Variants in AGBL2 observed in about 807,000 individuals in gnomAD.
AGBL2 encodes the protein cytosolic carboxypeptidase 2.
A neutral mutation model predicts 103.0 loss-of-function variants in AGBL2; 87 were observed. The ratio of observed to expected loss-of-function variants is 0.84; its 90% confidence interval spans 0.71 to 1.01. The LOEUF is 1.01. AGBL2 is among the 50% of genes least tolerant of loss of function. AGBL2 has a pLI of 0.00. For synonymous variants in AGBL2, 335 were observed against 356.7 expected (o/e 0.94, Z 0.69); for missense variants, 904 against 1,023.5 (o/e 0.88, Z 1.59).
At chr11:47,669,568 A>G (rs980167646) in intron 14 of AGBL2, among the ~76,000 whole-genome samples, 4 of 151,980 alleles carry the variant, frequency 2.6e-5, no homozygotes, top group Admixed American at 2.6e-4. Flanking sequence ...AGTCCCAGCT[A>G]CTCAGGAGGC....
rs752592989 is a variant in AGBL2 at position 47,667,622 on chromosome 11, C to A, written c.2289G>T (p.Gln763His). ...SLQTRKQRNEQYQKKNLMQKL... is the reference protein window; with the variant it reads ...SLQTRKQRNEHYQKKNLMQKL... ...TCTGCATCAAATTTTTTTTCTGATA[C>A]TGCTCATTTCGCTGTTTCCTAGTCT... Residue 763 changes from glutamine (Q) to histidine (H), a missense_variant, in exon 16 of 19, where the codon CAG becomes CAT. Transcript: ENST00000525123. The A allele has an allele frequency of 1.2e-5, 19 of 1,613,730 alleles. No individual in the cohort carries two copies. Among genetic ancestry groups the A allele is most frequent in the Non-Finnish European group, 1.4e-5 (17 of 1,179,858 alleles).
rs954503165 is a variant in AGBL2, at chr11:47,708,006, C to A, written c.233-2089G>T. On this transcript the variant is annotated intron_variant, in intron 4 of 18. Transcript: ENST00000525123. Reference sequence around the variant, plus strand: ...TGGGCAATTCTGGGGCTCAAATGATCCTCCTGCCTCAGGCTCCCAAGTGGC... The same window carrying A: ...TGGGCAATTCTGGGGCTCAAATGATACTCCTGCCTCAGGCTCCCAAGTGGC... Among the ~76,000 whole-genome samples, 37 of 151,894 alleles carry A rather than the reference C, an allele frequency of 2.4e-4. 1 individual carries two copies. Among genetic ancestry groups the A allele is most frequent in the Admixed American group, 2.1e-3 (32 of 15,226 alleles).
In AGBL2 at chr11:47,699,534, T is replaced by A. The variant is rs1401604380; in HGVS notation, c.606A>T (p.Pro202=). ...IHHIEWAPPQ[P]EYFYQPKGNE... ...TTCCTTTAGGCTGATAGAAATATTC[T>A]GGTTGAGGTGGAGCCCACTCTGAAA... The change falls in exon 8 of 19, where the codon CCA becomes CCT. Residue 202 remains proline, a synonymous_variant. Coordinates refer to ENST00000525123, the MANE Select transcript of AGBL2 (RefSeq NM_024783.4). The A allele has an allele frequency of 1.2e-6, 2 of 1,605,812 alleles. No individual in the cohort carries two copies. Among genetic ancestry groups the A allele is most frequent in the Admixed American group, 3.4e-5 (2 of 58,620 alleles).
intron 14 of AGBL2, among the ~76,000 whole-genome samples, chr11:47,670,390 T>C (rs2097353840): frequency 6.6e-6 from 1 of 151,772 alleles, no homozygotes; most frequent in Non-Finnish European, 1.5e-5. Flanking sequence ...GAGGCTGAGA[T>C]AGGAGGACCA....
chr11:47,680,069 AT>A lies in AGBL2; in HGVS notation c.1919del (p.Asn640IlefsTer12). 1 of 1,561,110 alleles carries A rather than the reference AT, an allele frequency of 6.4e-7. No homozygotes were observed. Among genetic ancestry groups the A allele is most frequent in the Non-Finnish European group, 8.7e-7 (1 of 1,142,948 alleles). On this transcript the variant is annotated frameshift_variant, in exon 13 of 19. Transcript: ENST00000525123. LOFTEE classifies it high-confidence loss of function. ...ESTFGGSTLG[N>X]KRDTHFTIED... ...CGATGGTAAAGTGGGTGTCTCTTTTATTACCTGGAAAAAAAAAAAACCCCGC... is the reference window on the plus strand; with the variant it reads ...CGATGGTAAAGTGGGTGTCTCTTTTATACCTGGAAAAAAAAAAAACCCCGC...
chr11:47,672,074 C>T (rs1221979760), intron 14 of AGBL2, among the ~76,000 whole-genome samples: 2 of 152,130 alleles, frequency 1.3e-5, no homozygotes, highest in Non-Finnish European at 2.9e-5. Context: ...TAGAGTCTGC[C>T]TGTTTCTGAA....
chr11:47,665,106 G>A (rs992277691), intron 17 of AGBL2, among the ~76,000 whole-genome samples: 1 of 151,172 alleles, frequency 6.6e-6, no homozygotes, highest in African/African-American at 2.4e-5. Context: ...ACCCAAGCTG[G>A]GCGCAATCTC....
At chr11:47,707,945 G>C (rs892033992) in intron 4 of AGBL2, among the ~76,000 whole-genome samples, 1 of 151,938 alleles carries the variant, frequency 6.6e-6, no homozygotes, top group Non-Finnish European at 1.5e-5. Flanking sequence ...TTAGAGAAAG[G>C]GTCTCTCTAT....
chr11:47,690,458 A>G lies in AGBL2; in HGVS notation c.1249T>C (p.Ser417Pro), dbSNP rs2097440445. The G allele has an allele frequency of 6.2e-7, 1 of 1,613,978 alleles. No homozygotes were observed. ...AAAGTTTGGAGCTTGCAGAACTGAG[A>G]CTGGATAGGGTTGTTTGCCACTGAC... Reference protein sequence around the residue: ...LLSVANNPIQSQFCKLQTLCR... With the variant: ...LLSVANNPIQPQFCKLQTLCR... The change falls in exon 10 of 19, where the codon TCT becomes CCT. Residue 417 changes from serine to proline, a missense_variant. Transcript: ENST00000525123.
chr11:47,668,879 C>T lies in AGBL2; in HGVS notation c.2176G>A (p.Asp726Asn), dbSNP rs776327427. ...TTTGCTAGGTGAACAGGAAGACCAT[C>T]TGAGAGAGAACTGTCAGAGCCACTG... ...STSGSDSSLS[D>N]GLPVHLANIA... The change falls in exon 15 of 19, where the codon GAT (aspartate) becomes AAT (asparagine). Residue 726 changes from aspartate to asparagine, a missense_variant. Coordinates refer to ENST00000525123, the MANE Select transcript of AGBL2 (RefSeq NM_024783.4). 11 of 1,613,204 alleles carry T rather than the reference C, an allele frequency of 6.8e-6. No individual in the cohort carries two copies. Among genetic ancestry groups the T allele is most frequent in the Admixed American group, 5.0e-5 (3 of 59,936 alleles).
At chr11:47,670,102 G>A (rs1022816450) in intron 14 of AGBL2, among the ~76,000 whole-genome samples, 6 of 152,214 alleles carry the variant, frequency 3.9e-5, no homozygotes, top group African/African-American at 1.4e-4. Context: ...GGTTGTGAGA[G>A]GCTACAGGAT....
chr11:47,704,790 C>T (rs1028800375), intron 6 of AGBL2, 62 bp from the exon 7 acceptor site: 14 of 1,298,712 alleles, frequency 1.1e-5, no homozygotes, highest in Non-Finnish European at 1.5e-5. Flanking sequence ...CTTTACTGCT[C>T]ATCTATAACA....
intron 4 of AGBL2, 127 bp from the exon 5 acceptor site, chr11:47,706,044 T>C: frequency 2.7e-6 from 2 of 732,562 alleles, no homozygotes; most frequent in Non-Finnish European, 4.9e-6. Context: ...TCTAAATCTT[T>C]CTCCCATACT....
chr11:47,690,848 C>A lies in AGBL2; in HGVS notation c.859G>T (p.Glu287Ter). 1 of 1,608,880 alleles carries A rather than the reference C, an allele frequency of 6.2e-7. No individual in the cohort carries two copies. Among genetic ancestry groups the A allele is most frequent in the South Asian group, 1.1e-5 (1 of 90,950 alleles). ...LQKAVRVDTY[E>*]YELTLRTDLY... ...TCAGTTCGCAAGGTGAGTTCATACTCATAGGTGTCTCTGTAATGGAGAAAA... is the reference window on the plus strand; with the variant it reads ...TCAGTTCGCAAGGTGAGTTCATACTAATAGGTGTCTCTGTAATGGAGAAAA... Residue 287 changes from glutamate (E) to a stop codon, truncating the protein, a stop_gained, in exon 10 of 19, where the codon GAG (glutamate) becomes TAG (stop). Transcript: ENST00000525123. LOFTEE classifies it high-confidence loss of function.
intron 11 of AGBL2, among the ~76,000 whole-genome samples, chr11:47,682,771 A>T (rs1374254707): frequency 6.6e-6 from 1 of 152,160 alleles, no homozygotes; most frequent in Non-Finnish European, 1.5e-5. Flanking sequence ...CGTGCTAAAA[A>T]GATTTTGCAG....
rs56307962 is a variant in AGBL2 at position 47,679,058 on chromosome 11, C to CAAAAAAAAAAA, written c.2016+904_2016+914dup. On this transcript the variant is annotated intron_variant, in intron 13 of 18. Transcript: ENST00000525123. ...TGGGCGACAGATGGAGACCCTGTCT[C>CAAAAAAAAAAA]AAAAAAAAAAAAAAAAAAAAAAAAA... Among the ~76,000 whole-genome samples the CAAAAAAAAAAA allele has an allele frequency of 7.1e-4, 20 of 28,200 alleles. 1 individual carries two copies. Among genetic ancestry groups the CAAAAAAAAAAA allele is most frequent in the South Asian group, 2.7e-3 (1 of 368 alleles). 18.5% of individuals were successfully genotyped at this position (28,200 alleles called of 152,430 possible).
intron 14 of AGBL2, among the ~76,000 whole-genome samples, chr11:47,671,353 A>G (rs2097356807): frequency 6.6e-6 from 1 of 151,948 alleles, no homozygotes; most frequent in East Asian, 1.9e-4. Context: ...CATCTCTACT[A>G]AAAATACAAA....
At chr11:47,667,538 AG>A (rs2153802745) in intron 16 of AGBL2, 32 bp downstream of exon 16, 2 of 1,610,406 alleles carry the variant, frequency 1.2e-6, no homozygotes, top group East Asian at 4.5e-5. Flanking sequence ...GTCTGAAACT[AG>A]ACAGTAGAAA....
chr11:47,673,463 TA>T (rs1252910734), intron 14 of AGBL2, among the ~76,000 whole-genome samples: 1 of 151,846 alleles, frequency 6.6e-6, no homozygotes, highest in Non-Finnish European at 1.5e-5. Context: ...CCATCTCTAC[TA>T]AAAGTACAAA....
Sources: allele counts gnomAD v4.1 joint callset (sites outside exome capture counted in the v4.1 genomes callset), GRCh38; gene constraint gnomAD v4.1.1; transcripts MANE v1.5; gene names NCBI Gene and HGNC (gene_info 2026-07-23, HGNC 2026-07-21).